Variants in GPC3 observed in about 807,000 individuals in gnomAD.
The protein encoded by GPC3 is glypican 3.
A neutral mutation model predicts 34.4 loss-of-function variants in GPC3; 3 were observed. The observed-to-expected ratio is 0.09, with a 90% CI of 0.04 to 0.23. The LOEUF (loss-of-function observed/expected upper bound fraction) is 0.23, where lower values mean the gene tolerates loss of function less well. Ranked by LOEUF, GPC3 falls within the 10% of genes least tolerant of loss-of-function variation. The probability of loss-of-function intolerance (pLI) is 1.00; values close to 1 mark genes in which losing one functional copy is unlikely to be tolerated. For missense variants in GPC3, 351 were observed against 445.6 expected, an observed-to-expected ratio of 0.79 and a Z score of 1.91; for synonymous variants, 177 against 174.0, an observed-to-expected ratio of 1.02 and a Z score of -0.13.
chrX:133,546,172 G>T (rs1443175339), intron 7 of GPC3, among the ~76,000 whole-genome samples: 1 of 111,069 alleles, frequency 9.0e-6, no homozygotes, highest in Non-Finnish European at 1.9e-5. Flanking sequence ...CTGCATTCTA[G>T]AATAACACAG....
intron 4 of GPC3, among the ~76,000 whole-genome samples, chrX:133,697,203 C>T (rs1442072617): frequency 8.9e-6 from 1 of 112,191 alleles, no homozygotes; most frequent in Non-Finnish European, 1.9e-5. Flanking sequence ...TATTAAGGTT[C>T]GTTTTTTTCT....
chrX:133,634,439 A>G (rs1213017990), intron 6 of GPC3, among the ~76,000 whole-genome samples: 1 of 112,229 alleles, frequency 8.9e-6, no homozygotes, highest in African/African-American at 3.2e-5. Context: ...ATGTCCATCA[A>G]CTGGTGAATG....
intron 6 of GPC3, among the ~76,000 whole-genome samples, chrX:133,635,431 G>A (rs2070411078): frequency 9.0e-6 from 1 of 111,391 alleles, no homozygotes; most frequent in Non-Finnish European, 1.9e-5. Flanking sequence ...TGACAAAGTA[G>A]GGAAGTCTAT....
At chrX:133,588,611 A>C (rs2069815513) in intron 7 of GPC3, among the ~76,000 whole-genome samples, 1 of 111,243 alleles carries the variant, frequency 9.0e-6, no homozygotes, top group Non-Finnish European at 1.9e-5. Flanking sequence ...TGAAGGTTTG[A>C]CTTGACACTT....
chrX:133,679,283 G>A (rs1266899448), intron 5 of GPC3, among the ~76,000 whole-genome samples: 1 of 111,372 alleles, frequency 9.0e-6, no homozygotes. Context: ...TTTATTCAGG[G>A]TAAAACTTCC....
intron 2 of GPC3, among the ~76,000 whole-genome samples, chrX:133,799,088 C>T (rs781371227): frequency 8.9e-6 from 1 of 112,089 alleles, no homozygotes; most frequent in Non-Finnish European, 1.9e-5. Context: ...TGTGACTGCA[C>T]AGTTGCACGA....
chrX:133,617,482 A>G (rs2070180140), intron 6 of GPC3, among the ~76,000 whole-genome samples: 1 of 111,936 alleles, frequency 8.9e-6, no homozygotes, highest in African/African-American at 3.2e-5. Flanking sequence ...ATTGTGGGAT[A>G]TTTACCTTAT....
chrX:133,819,110 A>G (rs1478380572), intron 2 of GPC3, among the ~76,000 whole-genome samples: 1 of 102,235 alleles, frequency 9.8e-6, no homozygotes, highest in Non-Finnish European at 2.0e-5. Context: ...ATCATTTAGC[A>G]TTAGGTATAT....
chrX:133,596,657 C>T lies in GPC3; in HGVS notation c.1414-58G>A, dbSNP rs1034647070. The T allele has an allele frequency of 3.7e-6, 4 of 1,080,080 alleles. No individual in the cohort carries two copies. In the Admixed American group the frequency reaches 6.6e-5, roughly 18 times the overall value. The allele number at this position is 1,080,080 out of a possible 1,213,427, so 89.0% of individuals were successfully genotyped here. On this transcript the variant is annotated intron_variant, in intron 6 of 7. Transcript: ENST00000370818. Reference sequence around the variant, plus strand: ...TTCATATTTCTCAGGTGGGTCTGCACAGTGTGTTATTAACAGGAGGCATTA... The same window carrying T: ...TTCATATTTCTCAGGTGGGTCTGCATAGTGTGTTATTAACAGGAGGCATTA...
At chrX:133,931,847 C>T (rs181296257) in intron 2 of GPC3, among the ~76,000 whole-genome samples, 1 of 111,535 alleles carries the variant, frequency 9.0e-6, no homozygotes, top group East Asian at 2.8e-4. Flanking sequence ...CTATATTCCA[C>T]CTCCTACTCT....
At chrX:133,845,407 T>C (rs2075843438) in intron 2 of GPC3, among the ~76,000 whole-genome samples, 1 of 111,180 alleles carries the variant, frequency 9.0e-6, no homozygotes, top group African/African-American at 3.3e-5. Flanking sequence ...TTAGGAAAAG[T>C]TTAGCCTTCG....
rs141582903 is a variant in GPC3 at position 133,704,116 on chromosome X, G to C, written c.1033-4088C>G. ...AGATCATGCAGAGCCCAGTAGGCTGGGCATCAGGAAACCTGGCCTACCACC... is the reference window on the plus strand; with the variant it reads ...AGATCATGCAGAGCCCAGTAGGCTGCGCATCAGGAAACCTGGCCTACCACC... On this transcript the variant is annotated intron_variant, in intron 3 of 7. Transcript: ENST00000370818. The C allele has an allele frequency of 4.0e-3, 1,859 of 460,374 alleles. 30 individuals are homozygous for C. Among genetic ancestry groups the C allele is most frequent in the African/African-American group, 0.04 (1,612 of 40,365 alleles). The allele number at this position is 460,374 out of a possible 1,213,427, so 37.9% of individuals were successfully genotyped here. A position where few individuals can be genotyped will look rare whatever the true frequency, so the allele number is the denominator to read the frequency against.
intron 5 of GPC3, among the ~76,000 whole-genome samples, chrX:133,683,391 T>G (rs748719206): frequency 1.1e-4 from 12 of 112,203 alleles, no homozygotes; most frequent in Non-Finnish European, 1.3e-4. Flanking sequence ...GGAGCAGTGA[T>G]AGTAAAAGGA....
intron 5 of GPC3, chrX:133,670,977 G>A (rs1445205534): frequency 2.1e-6 from 1 of 481,155 alleles, no homozygotes; most frequent in Non-Finnish European, 3.7e-6. Flanking sequence ...CATCATGAAC[G>A]ACACGGTAAC....
chrX:133,562,635 G>GA (rs999704369), intron 7 of GPC3, among the ~76,000 whole-genome samples: 13 of 105,360 alleles, frequency 1.2e-4, no homozygotes, highest in Admixed American at 5.1e-4. Flanking sequence ...GGTGTCAAAA[G>GA]AAAAAAAAAA....
At chrX:133,959,637 A>G (rs1174268435) in intron 1 of GPC3, among the ~76,000 whole-genome samples, 1 of 112,719 alleles carries the variant, frequency 8.9e-6, no homozygotes, top group African/African-American at 3.2e-5. Context: ...ACATGGGATC[A>G]TCAATAGTAC....
intron 6 of GPC3, among the ~76,000 whole-genome samples, chrX:133,626,597 A>T (rs929354671): frequency 6.3e-5 from 7 of 110,286 alleles, no homozygotes; most frequent in Non-Finnish European, 1.1e-4. Flanking sequence ...GAGAAATACA[A>T]ATCAAAACCA....
intron 5 of GPC3, among the ~76,000 whole-genome samples, chrX:133,676,410 C>T (rs1007333096): frequency 8.9e-6 from 1 of 112,442 alleles, no homozygotes; most frequent in African/African-American, 3.2e-5. Context: ...CTACCTTTGC[C>T]AGTGTCCATA....
At chrX:133,622,077 T>C (rs2070239888) in intron 6 of GPC3, among the ~76,000 whole-genome samples, 1 of 112,154 alleles carries the variant, frequency 8.9e-6, no homozygotes, top group African/African-American at 3.2e-5. Context: ...CCAACAGACC[T>C]GCAGCTGAGG....
Sources: allele counts gnomAD v4.1 joint callset (sites outside exome capture counted in the v4.1 genomes callset), GRCh38; gene constraint gnomAD v4.1.1; transcripts MANE v1.5; gene names NCBI Gene and HGNC (gene_info 2026-07-23, HGNC 2026-07-21).